Variants in AUTS2 observed in about 807,000 individuals in gnomAD.
AUTS2 encodes the protein autism susceptibility gene 2 protein.
AUTS2 carries 17 observed loss-of-function variants against 112.4 expected under a neutral mutation model. That is an observed-to-expected ratio of 0.15 (90% CI 0.10 to 0.23). The LOEUF (loss-of-function observed/expected upper bound fraction) is 0.23, where lower values mean the gene tolerates loss of function less well. Among genes scored for constraint, AUTS2 ranks in the 10% least tolerant of loss-of-function variants. The pLI, the probability that AUTS2 is intolerant of heterozygous loss-of-function variation, is 1.00. For missense variants in AUTS2, 1,510 were observed against 1,701.6 expected (o/e 0.89, Z 1.98); for synonymous variants, 751 against 702.7 (o/e 1.07, Z -1.09).
intron 5 of AUTS2, among the ~76,000 whole-genome samples, chr7:70,697,796 T>C (rs907968156): frequency 2.0e-5 from 3 of 152,234 alleles, no homozygotes; most frequent in African/African-American, 7.2e-5. Context: ...TCTAGAAATA[T>C]TCAGTGCTGA....
At chr7:70,309,055 T>A (rs972867917) in intron 4 of AUTS2, among the ~76,000 whole-genome samples, 2 of 152,252 alleles carry the variant, frequency 1.3e-5, no homozygotes, top group Non-Finnish European at 2.9e-5. Context: ...TAGTAGCAAT[T>A]ACATTGTAAT....
intron 6 of AUTS2, among the ~76,000 whole-genome samples, chr7:70,753,210 C>T (rs1442306878): frequency 6.6e-6 from 1 of 152,196 alleles, no homozygotes; most frequent in Non-Finnish European, 1.5e-5. Context: ...ATCCACTGGA[C>T]TCCACACAGC....
intron 2 of AUTS2, among the ~76,000 whole-genome samples, chr7:70,079,398 A>T (rs1803193261): frequency 6.6e-6 from 1 of 152,118 alleles, no homozygotes; most frequent in South Asian, 2.1e-4. Flanking sequence ...ACTGCTTGGG[A>T]GGCTGAGACA....
intron 4 of AUTS2, among the ~76,000 whole-genome samples, chr7:70,411,638 C>T (rs1416587131): frequency 6.6e-6 from 1 of 151,988 alleles, no homozygotes; most frequent in East Asian, 1.9e-4. Context: ...AAATTCATTA[C>T]ACCAAAAATA....
intron 1 of AUTS2, among the ~76,000 whole-genome samples, chr7:69,815,705 G>A (rs1258028938): frequency 1.3e-5 from 2 of 152,278 alleles, no homozygotes; most frequent in Admixed American, 1.3e-4. Context: ...AGTAGAGACA[G>A]GGTTTCACCA....
chr7:70,780,462 G>T (rs1424654738), intron 14 of AUTS2, among the ~76,000 whole-genome samples: 6 of 150,430 alleles, frequency 4.0e-5, no homozygotes, highest in African/African-American at 1.5e-4. Context: ...AGCAACCTCC[G>T]CCTCCTAGGT....
chr7:70,256,514 G>C (rs1786879224), intron 4 of AUTS2, among the ~76,000 whole-genome samples: 1 of 152,188 alleles, frequency 6.6e-6, no homozygotes, highest in Admixed American at 6.5e-5. Context: ...TAAACCTATT[G>C]CATCTGTTCT....
chr7:70,446,251 C>T (rs917035561), intron 5 of AUTS2, among the ~76,000 whole-genome samples: 1 of 152,124 alleles, frequency 6.6e-6, no homozygotes, highest in African/African-American at 2.4e-5. Context: ...ATAGTAAATA[C>T]CTGAAGCAGC....
rs536783335 is a variant in AUTS2, at chr7:69,927,399, T to C, written c.522+27901T>C. Among the ~76,000 whole-genome samples the C allele has an allele frequency of 4.6e-5, 7 of 152,164 alleles. No individual in the cohort carries two copies. In the South Asian group the frequency reaches 1.5e-3, roughly 32 times the overall value. ...GGCTACAAAACATTGTTACTATTTC[T>C]GCTTAAACAGTGAATTATCTTTTAA... On this transcript the variant is annotated intron_variant, in intron 2 of 18. Coordinates refer to ENST00000342771, the MANE Select transcript of AUTS2 (RefSeq NM_015570.4).
intron 2 of AUTS2, among the ~76,000 whole-genome samples, chr7:69,960,842 TA>T (rs1352758225): frequency 1.9e-4 from 29 of 152,296 alleles, no homozygotes; most frequent in African/African-American, 6.5e-4. Context: ...TGTCCACTTT[TA>T]ATCCCTCTTA....
chr7:70,393,049 G>A (rs558782188), intron 4 of AUTS2, among the ~76,000 whole-genome samples: 10 of 152,204 alleles, frequency 6.6e-5, no homozygotes, highest in Non-Finnish European at 1.2e-4. Flanking sequence ...GACTGCTCCC[G>A]ACAGGAAGGG....
intron 6 of AUTS2, among the ~76,000 whole-genome samples, chr7:70,750,330 C>T (rs1167037900): frequency 7.0e-6 from 1 of 143,260 alleles, no homozygotes; most frequent in South Asian, 2.2e-4. Context: ...GATGGAAAGT[C>T]TTTTTTTTTT....
intron 2 of AUTS2, among the ~76,000 whole-genome samples, chr7:69,941,206 C>G (rs1006365090): frequency 1.3e-5 from 2 of 152,232 alleles, no homozygotes; most frequent in African/African-American, 4.8e-5. Context: ...CAGCTACCAA[C>G]ACTGAGTTTC....
chr7:69,969,636 C>T (rs1398174384), intron 2 of AUTS2, among the ~76,000 whole-genome samples: 3 of 152,130 alleles, frequency 2.0e-5, no homozygotes, highest in Non-Finnish European at 4.4e-5. Flanking sequence ...TTAGTGTAAA[C>T]ACAGGGACAG....
chr7:70,444,778 CAT>C (rs1409212799), intron 5 of AUTS2, among the ~76,000 whole-genome samples: 1 of 152,122 alleles, frequency 6.6e-6, no homozygotes, highest in Non-Finnish European at 1.5e-5. Context: ...AGGCTTGACT[CAT>C]ATACTTACGG....
chr7:69,614,368 T>TTTCTTTCTTTCTTTCTTTTCTTTTCTTTC, intron 1 of AUTS2, among the ~76,000 whole-genome samples: 2 of 19,534 alleles, frequency 1.0e-4, no homozygotes, highest in Non-Finnish European at 2.2e-4. Flanking sequence ...TTCTTTCTTT[T>TTTCTTTCTTTCTTTCTTTTCTTTTCTTTC]TTTAAGAGAT....
intron 4 of AUTS2, among the ~76,000 whole-genome samples, chr7:70,240,450 T>A (rs1812552637): frequency 6.6e-6 from 1 of 152,192 alleles, no homozygotes; most frequent in South Asian, 2.1e-4. Flanking sequence ...GGTAGTACAC[T>A]TATAATCTTA....
chr7:70,159,244 A>G (rs915792017), intron 4 of AUTS2, among the ~76,000 whole-genome samples: 1 of 152,094 alleles, frequency 6.6e-6, no homozygotes, highest in African/African-American at 2.4e-5. Flanking sequence ...AATCCCTCAC[A>G]CGTGTTTGAA....
At chr7:69,928,855 G>A (rs1210616114) in intron 2 of AUTS2, among the ~76,000 whole-genome samples, 1 of 152,162 alleles carries the variant, frequency 6.6e-6, no homozygotes, top group Non-Finnish European at 1.5e-5. Context: ...ACCTGTTCCT[G>A]GCCCTTGCTG....
Sources: gnomAD v4.1 joint callset for allele counts (sites outside exome capture counted in the v4.1 genomes callset) on GRCh38, gnomAD v4.1.1 for gene constraint, MANE v1.5 for transcripts, NCBI Gene and HGNC (gene_info 2026-07-23, HGNC 2026-07-21) for gene names.